SYCP1: variants seen among roughly 807,000 people sequenced by gnomAD.
The protein encoded by SYCP1 is cancer/testis antigen 8.
SYCP1 carries 64 observed loss-of-function variants against 153.1 expected under a neutral mutation model. That is an observed-to-expected ratio of 0.42 (90% CI 0.34 to 0.51). The LOEUF is 0.51. SYCP1 is among the 20% of genes least tolerant of loss of function. The probability of loss-of-function intolerance (pLI) is 0.06; values close to 1 mark genes in which losing one functional copy is unlikely to be tolerated. For missense variants in SYCP1, 997 were observed against 1,049.0 expected, an observed-to-expected ratio of 0.95 and a Z score of 0.68; for synonymous variants, 384 against 341.8, an observed-to-expected ratio of 1.12 and a Z score of -1.36.
chr1:114,984,061 G>T (rs1197430502), intron 29 of SYCP1, among the ~76,000 whole-genome samples: 1 of 151,838 alleles, frequency 6.6e-6, no homozygotes, highest in African/African-American at 2.4e-5. Context: ...CACCATACCT[G>T]GCTATGTTTT....
chr1:114,914,353 A>G (rs956308027), intron 20 of SYCP1, among the ~76,000 whole-genome samples: 4 of 151,912 alleles, frequency 2.6e-5, no homozygotes, highest in African/African-American at 9.7e-5. Flanking sequence ...CTTAAAAATT[A>G]CTTCTAATCA....
chr1:114,910,113 A>T (rs1224283956), intron 16 of SYCP1: 1 of 176,422 alleles, frequency 5.7e-6, no homozygotes, highest in South Asian at 1.7e-4. Flanking sequence ...CAAAGTAAAA[A>T]GTGAGTTCAT....
At chr1:114,868,235 C>A (rs1015582593) in intron 8 of SYCP1, among the ~76,000 whole-genome samples, 1 of 151,750 alleles carries the variant, frequency 6.6e-6, no homozygotes, top group Admixed American at 6.6e-5. Flanking sequence ...AACTCCTGGG[C>A]TTAAGTGATC....
At chr1:114,912,779 A>C (rs562187319) in intron 18 of SYCP1, among the ~76,000 whole-genome samples, 3 of 152,082 alleles carry the variant, frequency 2.0e-5, no homozygotes, top group African/African-American at 7.2e-5. Flanking sequence ...CAAACAGGGA[A>C]CATGCAAGGA....
Position 114,856,602 on chromosome 1 carries a change from T to G in SYCP1, c.138T>G (p.Phe46Leu), listed in dbSNP as rs369383090. ...TCAACAAATGTACTGAAGATGATTT[T>G]GAGTTTCCATTTGCAAAGACTAATC... ...KSFNKCTEDD[F>L]EFPFAKTNLS... is the part of the protein sequence containing the mutation. Residue 46 changes from phenylalanine to leucine, a missense_variant, in exon 3 of 32, where the codon TTT becomes TTG. Physicochemically the swap from Phe to Leu is conservative, Grantham distance 22 (BLOSUM62 0). This residue lies in a region of SYCP1 where 285 missense variants were observed against 366.1 expected (regional missense o/e 0.78). Coordinates refer to ENST00000369522, the MANE Select transcript of SYCP1 (RefSeq NM_003176.4). The G allele has an allele frequency of 3.7e-6, 6 of 1,612,004 alleles. No homozygotes were observed. Among genetic ancestry groups the G allele is most frequent in the Non-Finnish European group, 5.1e-6 (6 of 1,179,206 alleles).
At chr1:114,881,543 T>TCCTTCCTTCCTTCCTTCCTTCCTTCCTTC (rs1557767760) in intron 12 of SYCP1, among the ~76,000 whole-genome samples, 1 of 123,206 alleles carries the variant, frequency 8.1e-6, no homozygotes, top group Non-Finnish European at 1.7e-5. Context: ...TTCCTTCCTT[T>TCCTTCCTTCCTTCCTTCCTTCCTTCCTTC]CTTGATGGAG....
chr1:114,864,507 G>A (rs576244196), intron 8 of SYCP1, among the ~76,000 whole-genome samples: 2 of 151,708 alleles, frequency 1.3e-5, no homozygotes, highest in East Asian at 1.9e-4. Flanking sequence ...TTGATGGGGG[G>A]TGGGGTGGTC....
At chr1:114,934,249 A>G (rs1362838032) in intron 23 of SYCP1, among the ~76,000 whole-genome samples, 1 of 152,208 alleles carries the variant, frequency 6.6e-6, no homozygotes, top group Non-Finnish European at 1.5e-5. Context: ...AGTGGGGGCC[A>G]ATATTCAACA....
At chr1:114,910,294 A>G (rs748141236) in intron 16 of SYCP1, 103 bp from the exon 17 acceptor site, 16 of 696,392 alleles carry the variant, frequency 2.3e-5, no homozygotes, top group Non-Finnish European at 3.1e-5. Flanking sequence ...AATTTTAGCC[A>G]GGGGGAAGCT....
In SYCP1 at chr1:114,995,137, T is replaced by C. The variant is rs1037347540; in HGVS notation, c.*118T>C. ...AGTTGAGACTTAAAAAATACTTGCATGAATGATTTGTGTTTCTTTATATTT... is the reference window on the plus strand; with the variant it reads ...AGTTGAGACTTAAAAAATACTTGCACGAATGATTTGTGTTTCTTTATATTT... On this transcript the variant is annotated 3_prime_UTR_variant, in exon 32 of 32. Transcript: ENST00000369522. 4.0e-6 allele frequency: 4 copies of C among 989,086 alleles called. No individual in the cohort carries two copies. Among genetic ancestry groups the C allele is most frequent in the Non-Finnish European group, 5.7e-6 (4 of 706,910 alleles). 61.3% of individuals were successfully genotyped at this position (989,086 alleles called of 1,614,324 possible).
chr1:114,865,253 T>C (rs1664661924), intron 8 of SYCP1, among the ~76,000 whole-genome samples: 1 of 152,142 alleles, frequency 6.6e-6, no homozygotes, highest in African/African-American at 2.4e-5. Flanking sequence ...CTAGTTTTAT[T>C]GGTTATCTCA....
At chr1:114,935,878 C>T (rs2101783336) in intron 23 of SYCP1, among the ~76,000 whole-genome samples, 1 of 151,924 alleles carries the variant, frequency 6.6e-6, no homozygotes, top group Admixed American at 6.6e-5. Context: ...ACTGAGTAGA[C>T]CAAAAAGGTT....
At chr1:114,939,909 C>T (rs1186461659) in intron 23 of SYCP1, among the ~76,000 whole-genome samples, 1 of 152,130 alleles carries the variant, frequency 6.6e-6, no homozygotes, top group African/African-American at 2.4e-5. Context: ...CCTATTTCTT[C>T]AAGTTTGATA....
In SYCP1 at chr1:114,857,436, C is replaced by G. The variant is rs747228169; in HGVS notation, c.238-8C>G. ...AGTATTTTCTTATAGAAACATCTAT[C>G]TTTTTAGGTTGGTAATTCTGACTGT... On this transcript the variant is annotated splice_region_variant and splice_polypyrimidine_tract_variant and intron_variant, in intron 4 of 31. Transcript: ENST00000369522. 1.9e-6 allele frequency: 3 copies of G among 1,595,450 alleles called. No individual in the cohort carries two copies. The highest frequency in any genetic ancestry group is 2.3e-5 in the South Asian group (2 of 87,146).
At chr1:114,891,131 A>G (rs958863327) in intron 15 of SYCP1, among the ~76,000 whole-genome samples, 1 of 151,998 alleles carries the variant, frequency 6.6e-6, no homozygotes. Context: ...TCCTGGCTAC[A>G]CTTTACATTC....
At chr1:114,982,145 C>T (rs891134944) in intron 29 of SYCP1, among the ~76,000 whole-genome samples, 1 of 151,950 alleles carries the variant, frequency 6.6e-6, no homozygotes, top group African/African-American at 2.4e-5. Context: ...CTTTTCCTCT[C>T]CTCAGCTAGA....
Position 114,858,727 on chromosome 1 carries a change from G to C in SYCP1, c.456+16G>C. ...GGAACTGCAAGTATGACACAATTTT[G>C]CATTGTAAACATAGTATAGTAAATC... On this transcript the variant is annotated intron_variant, in intron 6 of 31. Transcript: ENST00000369522. 6.3e-7 allele frequency: 1 copy of C among 1,597,492 alleles called. No homozygotes were observed. Among genetic ancestry groups the C allele is most frequent in the Non-Finnish European group, 8.5e-7 (1 of 1,171,804 alleles).
Position 114,860,824 on chromosome 1 carries a change from T to C in SYCP1, c.598+15T>C. ...GACAAAGAAATGTAAATATCTTTCT[T>C]GTTTTATGTGATTTTATCAATTTAT... is the stretch of plus-strand genomic sequence containing the variant. On this transcript the variant is annotated intron_variant, in intron 8 of 31. Transcript: ENST00000369522. 1 of 1,543,832 alleles carries C rather than the reference T, an allele frequency of 6.5e-7. No homozygotes were observed. The highest frequency in any genetic ancestry group is 8.8e-7 in the Non-Finnish European group (1 of 1,140,962).
intron 30 of SYCP1, 114 bp from the exon 31 acceptor site, chr1:114,994,584 A>G: frequency 1.4e-6 from 1 of 707,724 alleles, no homozygotes; most frequent in Non-Finnish European, 2.1e-6. Flanking sequence ...TCCCTTCTAC[A>G]TCCTTCCTCT....
Sources: allele counts gnomAD v4.1 joint callset (sites outside exome capture counted in the v4.1 genomes callset), GRCh38; gene constraint gnomAD v4.1.1; regional missense constraint gnomAD v4.1.1; transcripts MANE v1.5; gene names NCBI Gene and HGNC (gene_info 2026-07-23, HGNC 2026-07-21).